Variants in TMEM117 observed in about 807,000 individuals in gnomAD.
TMEM117 encodes transmembrane protein 117.
Under a neutral mutation model 52.4 loss-of-function variants are expected in TMEM117, and 27 were observed. That is an observed-to-expected ratio of 0.51 (90% CI 0.38 to 0.71). The LOEUF (loss-of-function observed/expected upper bound fraction) is 0.71, where lower values mean the gene tolerates loss of function less well. Among genes scored for constraint, TMEM117 ranks in the 30% least tolerant of loss-of-function variants. TMEM117 has a pLI of 0.00. For synonymous variants in TMEM117, 215 were observed against 206.3 expected, an observed-to-expected ratio of 1.04 and a Z score of -0.36; for missense variants, 556 against 630.5, an observed-to-expected ratio of 0.88 and a Z score of 1.26.
intron 3 of TMEM117, among the ~76,000 whole-genome samples, chr12:44,107,690 G>C (rs1243137317): frequency 6.6e-6 from 1 of 152,032 alleles, no homozygotes; most frequent in African/African-American, 2.4e-5. Flanking sequence ...CTCCAATTAT[G>C]AATTTACATA....
At chr12:44,081,129 T>A (rs1274342456) in intron 3 of TMEM117, among the ~76,000 whole-genome samples, 1 of 152,170 alleles carries the variant, frequency 6.6e-6, no homozygotes, top group East Asian at 1.9e-4. Flanking sequence ...ATGAAATAGG[T>A]CCCCAGTAAG....
intron 6 of TMEM117, among the ~76,000 whole-genome samples, chr12:44,361,114 A>G (rs567277309): frequency 2.6e-5 from 4 of 152,334 alleles, no homozygotes; most frequent in South Asian, 2.1e-4. Flanking sequence ...CTAAAAGACA[A>G]TTAATCTAAA....
chr12:44,150,275 A>C (rs1252749561), intron 4 of TMEM117, among the ~76,000 whole-genome samples: 1 of 152,176 alleles, frequency 6.6e-6, no homozygotes, highest in Non-Finnish European at 1.5e-5. Flanking sequence ...AGATTTAAAG[A>C]GGAAGTACTC....
At chr12:44,227,435 C>A (rs1467654541) in intron 5 of TMEM117, among the ~76,000 whole-genome samples, 1 of 152,066 alleles carries the variant, frequency 6.6e-6, no homozygotes, top group Non-Finnish European at 1.5e-5. Flanking sequence ...GCCTAGGTGA[C>A]AGAGAGACCC....
the TMEM117 span, among the ~76,000 whole-genome samples, chr12:43,804,790 C>A: frequency 6.6e-6 from 1 of 152,172 alleles, no homozygotes; most frequent in African/African-American, 2.4e-5. Flanking sequence ...TAATTCTAAT[C>A]TGTTTTAGCT....
At chr12:44,020,517 G>A (rs968603558) in intron 3 of TMEM117, among the ~76,000 whole-genome samples, 11 of 152,242 alleles carry the variant, frequency 7.2e-5, no homozygotes, top group South Asian at 2.1e-4. Flanking sequence ...TCTGATCTAC[G>A]AATTTAAAGG....
At chr12:44,179,141 C>T (rs564847688) in intron 4 of TMEM117, among the ~76,000 whole-genome samples, 4 of 151,988 alleles carry the variant, frequency 2.6e-5, no homozygotes, top group African/African-American at 7.2e-5. Context: ...TGCAGTGAGC[C>T]GAGATCACGC....
At chr12:44,303,786 G>A (rs949239613) in intron 6 of TMEM117, among the ~76,000 whole-genome samples, 17 of 152,082 alleles carry the variant, frequency 1.1e-4, no homozygotes, top group African/African-American at 4.1e-4. Flanking sequence ...CTAGGTTAAG[G>A]AAAAGATTCA....
intron 3 of TMEM117, among the ~76,000 whole-genome samples, chr12:43,981,395 G>A (rs1373121054): frequency 6.6e-6 from 1 of 152,182 alleles, no homozygotes; most frequent in African/African-American, 2.4e-5. Context: ...TAGTGCTGGA[G>A]CACAGAAAGA....
chr12:44,132,431 C>G (rs1194838944), intron 3 of TMEM117, among the ~76,000 whole-genome samples: 1 of 152,042 alleles, frequency 6.6e-6, no homozygotes, highest in Non-Finnish European at 1.5e-5. Flanking sequence ...GGTGGCCTAA[C>G]AACTCATTGT....
At position 44,272,127 on chromosome 12, in the gene TMEM117, T is replaced by C. The variant is rs575698819; in HGVS notation, c.609-27453T>C. ...AAAAAAGTGGAACCTTATTCACTGTTGGTGGTATGTATATTGGTACAACCA... is the reference window on the plus strand; with the variant it reads ...AAAAAAGTGGAACCTTATTCACTGTCGGTGGTATGTATATTGGTACAACCA... On this transcript the variant is annotated intron_variant, in intron 5 of 7. Transcript: ENST00000266534. 1.1e-4 allele frequency among the ~76,000 whole-genome samples: 16 copies of C among 152,260 alleles called. No homozygotes were observed. In the South Asian group the frequency reaches 2.9e-3, roughly 28 times the overall value.
At chr12:44,267,235 G>A (rs531365636) in intron 5 of TMEM117, among the ~76,000 whole-genome samples, 2 of 151,810 alleles carry the variant, frequency 1.3e-5, no homozygotes, top group East Asian at 3.9e-4. Context: ...GACTTATTAT[G>A]TTACATTTAT....
intron 7 of TMEM117, among the ~76,000 whole-genome samples, chr12:44,380,969 T>C (rs1952011903): frequency 6.6e-6 from 1 of 152,214 alleles, no homozygotes; most frequent in Admixed American, 6.5e-5. Context: ...GAGTTCCCAC[T>C]GACATTTTAA....
chr12:44,059,981 G>C (rs2137951185), intron 3 of TMEM117, among the ~76,000 whole-genome samples: 1 of 152,224 alleles, frequency 6.6e-6, no homozygotes, highest in Non-Finnish European at 1.5e-5. Context: ...ACGAAGTTTA[G>C]GTACAAACTA....
At chr12:44,385,008 G>A (rs1253093012) in intron 7 of TMEM117, among the ~76,000 whole-genome samples, 4 of 152,168 alleles carry the variant, frequency 2.6e-5, no homozygotes, top group Non-Finnish European at 5.9e-5. Flanking sequence ...ATTTGGGGTA[G>A]AAGGGCAGAA....
intron 5 of TMEM117, among the ~76,000 whole-genome samples, chr12:44,233,225 A>T (rs888984461): frequency 6.6e-6 from 1 of 151,280 alleles, no homozygotes; most frequent in African/African-American, 2.4e-5. Context: ...ATGTTTGCAG[A>T]GAGTTCATAG....
intron 3 of TMEM117, among the ~76,000 whole-genome samples, chr12:44,076,614 A>G (rs1026566536): frequency 1.3e-5 from 2 of 152,222 alleles, no homozygotes; most frequent in African/African-American, 4.8e-5. Context: ...AGATTTAAAT[A>G]TGGATAGCAA....
chr12:44,331,067 C>G (rs1209989998), intron 6 of TMEM117, among the ~76,000 whole-genome samples: 2 of 151,754 alleles, frequency 1.3e-5, no homozygotes, highest in African/African-American at 4.8e-5. Context: ...AGTGTAGAAT[C>G]ACAACATTTA....
At chr12:43,887,655 C>T (rs941629537) in intron 2 of TMEM117, among the ~76,000 whole-genome samples, 6 of 152,192 alleles carry the variant, frequency 3.9e-5, no homozygotes, top group African/African-American at 1.2e-4. Context: ...ATGCATCTCA[C>T]TGCCAAGGCC....
Sources: allele counts gnomAD v4.1 joint callset (sites outside exome capture counted in the v4.1 genomes callset), GRCh38; gene constraint gnomAD v4.1.1; transcripts MANE v1.5; gene names NCBI Gene and HGNC (gene_info 2026-07-23, HGNC 2026-07-21).